Variants in TFDP2 observed in about 807,000 individuals in gnomAD.
TFDP2 encodes the protein transcription factor Dp-2, also known as transcription factor Dp-2 (E2F dimerization partner 2).
A neutral mutation model predicts 59.3 loss-of-function variants in TFDP2; 17 were observed. The ratio of observed to expected loss-of-function variants is 0.29; its 90% CI spans 0.20 to 0.43. The LOEUF (loss-of-function observed/expected upper bound fraction) is 0.43, where lower values mean the gene tolerates loss of function less well. TFDP2 is among the 20% of genes least tolerant of loss of function. The pLI is 1.00. For synonymous variants in TFDP2, 180 were observed against 194.7 expected (o/e 0.92, Z 0.63); for missense variants, 391 against 528.8 (o/e 0.74, Z 2.56).
intron 8 of TFDP2, 53 bp from the exon 9 acceptor site, chr3:141,970,194 C>A: frequency 6.5e-7 from 1 of 1,546,022 alleles, no homozygotes. Flanking sequence ...TATAAAATAT[C>A]GTTCACTTTC....
At position 142,105,521 on chromosome 3, in the gene TFDP2, C is replaced by T. The variant is rs184457618; in HGVS notation, c.-92-3680G>A. ...TGTGATGGCTAGAGCTGCTTGTCTC[C>T]GGGCATCTGCTCCATTTCTGAATTC... is the stretch of plus-strand genomic sequence containing the variant. On this transcript the variant is annotated intron_variant, in intron 1 of 12. Coordinates refer to ENST00000489671, the MANE Select transcript of TFDP2 (RefSeq NM_001178139.2). Among the ~76,000 whole-genome samples the T allele has an allele frequency of 4.0e-3, 610 of 152,186 alleles. 1 individual carries two copies. The highest frequency in any genetic ancestry group is 7.0e-3 in the Non-Finnish European group (477 of 68,016).
intron 3 of TFDP2, among the ~76,000 whole-genome samples, chr3:142,085,214 C>T (rs750371828): frequency 3.9e-5 from 6 of 152,128 alleles, no homozygotes; most frequent in African/African-American, 7.2e-5. Context: ...TGCACCCAGC[C>T]GGTCAATAAT....
intron 6 of TFDP2, among the ~76,000 whole-genome samples, chr3:141,992,922 C>A (rs1325643284): frequency 6.6e-6 from 1 of 152,198 alleles, no homozygotes; most frequent in African/African-American, 2.4e-5. Context: ...ACAAGTGATT[C>A]TGATGCACAG....
At chr3:142,119,832 C>T (rs183799972) in intron 1 of TFDP2, among the ~76,000 whole-genome samples, 119 of 152,212 alleles carry the variant, frequency 7.8e-4, no homozygotes, top group South Asian at 2.5e-3. Flanking sequence ...AGGCGGATCA[C>T]GAGGTCAGGA....
chr3:142,069,907 C>CCCAAA (rs1560109665), intron 3 of TFDP2, among the ~76,000 whole-genome samples: 7 of 151,614 alleles, frequency 4.6e-5, no homozygotes, highest in African/African-American at 1.5e-4. Flanking sequence ...CCACGCCTGG[C>CCCAAA]CTTTTTTCTT....
intron 8 of TFDP2, among the ~76,000 whole-genome samples, chr3:141,973,123 A>ATATATATATATATATATT: frequency 3.4e-5 from 2 of 58,020 alleles, no homozygotes; most frequent in South Asian, 4.7e-4. Context: ...ATATATATAT[A>ATATATATATATATATATT]TTTTTTTTTT....
intron 3 of TFDP2, among the ~76,000 whole-genome samples, chr3:142,050,946 A>G (rs1947595339): frequency 6.6e-6 from 1 of 152,236 alleles, no homozygotes; most frequent in Non-Finnish European, 1.5e-5. Context: ...AAATCTCAGC[A>G]GATATTTTTT....
chr3:141,975,017 G>A (rs550314754), intron 7 of TFDP2, among the ~76,000 whole-genome samples: 13 of 147,176 alleles, frequency 8.8e-5, no homozygotes, highest in African/African-American at 3.3e-4. Context: ...GGGTTCAAGC[G>A]ATTCTTCTGC....
intron 3 of TFDP2, among the ~76,000 whole-genome samples, chr3:142,036,964 C>A (rs534472736): frequency 2.0e-5 from 3 of 152,270 alleles, no homozygotes; most frequent in South Asian, 4.1e-4. Flanking sequence ...CACTCCTCAG[C>A]GTCCAATGGT....
chr3:142,076,077 G>A (rs2060443993), intron 3 of TFDP2, among the ~76,000 whole-genome samples: 1 of 151,806 alleles, frequency 6.6e-6, no homozygotes, highest in Non-Finnish European at 1.5e-5. Context: ...TGGGCATGGT[G>A]GTGCATACCT....
chr3:142,002,317 GTTTT>G (rs750047190), intron 4 of TFDP2, among the ~76,000 whole-genome samples: 1 of 106,854 alleles, frequency 9.4e-6, no homozygotes, highest in Non-Finnish European at 1.8e-5. Flanking sequence ...TATTTTTAGT[GTTTT>G]TTTTTTTTTT....
At chr3:141,952,877 G>C in intron 12 of TFDP2, 34 bp downstream of exon 12, 2 of 1,593,076 alleles carry the variant, frequency 1.3e-6, no homozygotes, top group South Asian at 2.2e-5. Flanking sequence ...AGGGCTCTGG[G>C]GTTTGCCTTT....
At chr3:142,033,537 C>T (rs969030515) in intron 3 of TFDP2, among the ~76,000 whole-genome samples, 2 of 152,026 alleles carry the variant, frequency 1.3e-5, no homozygotes, top group African/African-American at 4.8e-5. Flanking sequence ...ATAAGGGAGG[C>T]CTACACGAGC....
At chr3:142,115,647 C>A (rs1323868744) in intron 1 of TFDP2, among the ~76,000 whole-genome samples, 2 of 152,164 alleles carry the variant, frequency 1.3e-5, no homozygotes, top group Non-Finnish European at 2.9e-5. Context: ...TAAGTACCTG[C>A]ATGTAGAGAA....
At chr3:141,975,394 T>G (rs4331653) in intron 7 of TFDP2, among the ~76,000 whole-genome samples, 6 of 151,986 alleles carry the variant, frequency 3.9e-5, no homozygotes, top group Non-Finnish European at 8.8e-5. Flanking sequence ...ATGTAAATAC[T>G]AGAAATCTTG....
chr3:142,051,986 T>C (rs572374773), intron 3 of TFDP2, among the ~76,000 whole-genome samples: 1 of 151,702 alleles, frequency 6.6e-6, no homozygotes, highest in South Asian at 2.1e-4. Flanking sequence ...ATTAGCTGGG[T>C]GTGGTTGCAC....
chr3:142,140,819 C>CCAGTTAGGCTACA (rs751880146), intron 1 of TFDP2, among the ~76,000 whole-genome samples: 4 of 152,166 alleles, frequency 2.6e-5, no homozygotes, highest in Admixed American at 6.5e-5. Context: ...GAGGTGTCTC[C>CCAGTTAGGCTACA]CAGTTAGGCT....
intron 3 of TFDP2, among the ~76,000 whole-genome samples, chr3:142,044,573 G>A (rs896874961): frequency 3.3e-5 from 5 of 151,966 alleles, no homozygotes; most frequent in African/African-American, 9.7e-5. Context: ...GTTTCACCAC[G>A]TTGGCCAGGC....
At chr3:141,996,588 G>C (rs927281334) in intron 4 of TFDP2, among the ~76,000 whole-genome samples, 2 of 152,192 alleles carry the variant, frequency 1.3e-5, no homozygotes, top group African/African-American at 2.4e-5. Flanking sequence ...GAATCATTAA[G>C]TTCATTGCTA....
Sources: gnomAD v4.1 joint callset for allele counts (sites outside exome capture counted in the v4.1 genomes callset) on GRCh38, gnomAD v4.1.1 for gene constraint, MANE v1.5 for transcripts, NCBI Gene and HGNC (gene_info 2026-07-23, HGNC 2026-07-21) for gene names.